The following USP7 variants were observed in gnomAD, a reference collection of about 807,000 sequenced individuals.
USP7 encodes ubiquitin C-terminal hydrolase 7.
Under a neutral mutation model 162.9 loss-of-function variants are expected in USP7, and 9 were observed. The observed-to-expected ratio is 0.06, with a 90% CI of 0.03 to 0.10. The LOEUF is 0.10. Ranked by LOEUF, USP7 falls within the 10% of genes least tolerant of loss-of-function variation. USP7 has a pLI of 1.00. For synonymous variants in USP7, 562 were observed against 475.9 expected, an observed-to-expected ratio of 1.18 and a Z score of -2.35; for missense variants, 715 against 1,373.7, an observed-to-expected ratio of 0.52 and a Z score of 7.58.
At chr16:8,895,941 A>G (rs898021939) in intron 26 of USP7, among the ~76,000 whole-genome samples, 200 bp from the exon 27 acceptor site, 3 of 151,342 alleles carry the variant, frequency 2.0e-5, no homozygotes, top group Non-Finnish European at 4.4e-5. Flanking sequence ...GGTTCAAGCA[A>G]TTCTCCCACC....
chr16:8,938,677 C>T (rs1452248226), intron 1 of USP7, among the ~76,000 whole-genome samples: 1 of 150,820 alleles, frequency 6.6e-6, no homozygotes, highest in Non-Finnish European at 1.5e-5. Flanking sequence ...CACCACTGCA[C>T]TCCAGCTTGG....
At chr16:8,952,619 G>C (rs1189716336) in intron 1 of USP7, among the ~76,000 whole-genome samples, 1 of 152,152 alleles carries the variant, frequency 6.6e-6, no homozygotes. Flanking sequence ...GGGCATGCAG[G>C]CCCACCTCCT....
chr16:8,928,785 G>A (rs1047614179), intron 2 of USP7, among the ~76,000 whole-genome samples: 7 of 152,182 alleles, frequency 4.6e-5, no homozygotes, highest in Non-Finnish European at 7.4e-5. Context: ...GTCCTATGGC[G>A]TGGCACCACT....
At chr16:8,928,034 T>G (rs946502373) in intron 2 of USP7, among the ~76,000 whole-genome samples, 1 of 152,118 alleles carries the variant, frequency 6.6e-6, no homozygotes, top group Non-Finnish European at 1.5e-5. Context: ...TGAAAAATAG[T>G]GAATAAGGAA....
chr16:8,911,995 G>A (rs568091461), intron 10 of USP7, among the ~76,000 whole-genome samples: 1 of 152,308 alleles, frequency 6.6e-6, no homozygotes, highest in South Asian at 2.1e-4. Flanking sequence ...TATCCCTCAA[G>A]TAAAACCTGT....
intron 1 of USP7, 33 bp from the exon 2 acceptor site, chr16:8,930,430 T>TAC (rs1276539038): frequency 1.0e-5 from 16 of 1,537,032 alleles, no homozygotes; most frequent in Non-Finnish European, 1.4e-5. Context: ...CCACGGGTTT[T>TAC]ACATTCATGG....
At chr16:8,960,477 A>T (rs1899966822) in intron 1 of USP7, among the ~76,000 whole-genome samples, 1 of 152,212 alleles carries the variant, frequency 6.6e-6, no homozygotes, top group African/African-American at 2.4e-5. Context: ...ACACTGACCT[A>T]TTGATAGAGA....
rs1420321041 is a variant in USP7, at chr16:8,908,323, T to C, written c.1271+18A>G. The C allele has an allele frequency of 1.9e-6, 3 of 1,588,846 alleles. No homozygotes were observed. Among genetic ancestry groups the C allele is most frequent in the Admixed American group, 1.7e-5 (1 of 59,972 alleles). ...GCATGATGATGAAATCTTAACTTTATATCCCACTATAGATTACCTATCATT... is the reference window on the plus strand; with the variant it reads ...GCATGATGATGAAATCTTAACTTTACATCCCACTATAGATTACCTATCATT... On this transcript the variant is annotated intron_variant, in intron 12 of 30. Coordinates refer to ENST00000344836, the MANE Select transcript of USP7 (RefSeq NM_003470.3).
chr16:8,907,901 T>C (rs1365884474), intron 12 of USP7, among the ~76,000 whole-genome samples: 2 of 152,236 alleles, frequency 1.3e-5, no homozygotes, highest in African/African-American at 4.8e-5. Context: ...TTGAAAACTC[T>C]AGCACATTCT....
intron 1 of USP7, chr16:8,936,648 A>G: frequency 1.9e-6 from 3 of 1,553,016 alleles, no homozygotes; most frequent in South Asian, 1.2e-5. Context: ...CTGCTGGGGG[A>G]TGGGGGAGGT....
At chr16:8,931,674 G>A (rs1898349776) in intron 1 of USP7, among the ~76,000 whole-genome samples, 1 of 152,234 alleles carries the variant, frequency 6.6e-6, no homozygotes, top group African/African-American at 2.4e-5. Context: ...TAAATAAGGT[G>A]TAAATTACAA....
intron 13 of USP7, among the ~76,000 whole-genome samples, chr16:8,906,074 A>AG (rs1428425943): frequency 6.6e-6 from 1 of 152,202 alleles, no homozygotes; most frequent in Non-Finnish European, 1.5e-5. Flanking sequence ...AGGTAGGACC[A>AG]GGGGGCACGC....
At chr16:8,897,722 A>ATACATATATATATATATATATAT (rs71155415) in intron 25 of USP7, among the ~76,000 whole-genome samples, 2 of 21,630 alleles carry the variant, frequency 9.2e-5, no homozygotes, top group Non-Finnish European at 1.5e-4. Flanking sequence ...AAAAAAAAAA[A>ATACATATATATATATATATATAT]AAAAATATAT....
At chr16:8,962,272 G>GA (rs1209107011) in intron 1 of USP7, among the ~76,000 whole-genome samples, 1 of 152,224 alleles carries the variant, frequency 6.6e-6, no homozygotes, top group Non-Finnish European at 1.5e-5. Flanking sequence ...ACGTAGGTAA[G>GA]AAAACTTTTT....
At chr16:8,916,585 T>G (rs1431512079) in intron 7 of USP7, 29 bp from the exon 8 acceptor site, 7 of 1,451,576 alleles carry the variant, frequency 4.8e-6, no homozygotes, top group Non-Finnish European at 5.4e-6. Flanking sequence ...ACAACTCCAT[T>G]TAAAGCTCAA....
At chr16:8,960,888 C>T (rs1489216933) in intron 1 of USP7, among the ~76,000 whole-genome samples, 1 of 152,178 alleles carries the variant, frequency 6.6e-6, no homozygotes, top group Non-Finnish European at 1.5e-5. Flanking sequence ...ACTCACAGGG[C>T]ACTATTATTT....
intron 1 of USP7, among the ~76,000 whole-genome samples, chr16:8,937,143 CA>C (rs1382225259): frequency 6.6e-6 from 1 of 152,140 alleles, no homozygotes; most frequent in Non-Finnish European, 1.5e-5. Context: ...TCAGTAATCC[CA>C]GGCACTTAGG....
At chr16:8,900,485 C>A in intron 21 of USP7, 45 bp downstream of exon 21, 2 of 1,423,196 alleles carry the variant, frequency 1.4e-6, no homozygotes, top group Non-Finnish European at 1.9e-6. Context: ...TTAAAAAAAT[C>A]CTGAAATTAG....
Position 8,910,781 on chromosome 16 carries a change from C to G in USP7, c.1125G>C (p.Gly375=). Residue 375 remains glycine (G), a synonymous_variant, in exon 11 of 31, where the codon GGG becomes GGC. Transcript: ENST00000344836. The stretch of plus-strand genomic sequence containing the variant: ...GTTCCCCAGCGTCGTATTTATTGTC[C>G]CCATCGAGCTGTTCTACTGCCACAT... ...VDYVAVEQLD[G]DNKYDAGEHG... 1 of 1,614,076 alleles carries G rather than the reference C, an allele frequency of 6.2e-7. No individual in the cohort carries two copies. The highest frequency in any genetic ancestry group is 8.5e-7 in the Non-Finnish European group (1 of 1,180,022).
Sources: gnomAD v4.1 joint callset for allele counts (sites outside exome capture counted in the v4.1 genomes callset) on GRCh38, gnomAD v4.1.1 for gene constraint, MANE v1.5 for transcripts, NCBI Gene and HGNC (gene_info 2026-07-23, HGNC 2026-07-21) for gene names.